Variants in SIPA1L1 observed in about 807,000 individuals in gnomAD.
SIPA1L1 encodes signal-induced proliferation-associated 1-like protein 1.
Under a neutral mutation model 162.7 loss-of-function variants are expected in SIPA1L1, and 26 were observed. That is an observed-to-expected ratio of 0.16 (90% CI 0.12 to 0.22). SIPA1L1 has a LOEUF of 0.22. SIPA1L1 is among the 10% of genes least tolerant of loss of function. The probability of loss-of-function intolerance (pLI) is 1.00; values close to 1 mark genes in which losing one functional copy is unlikely to be tolerated. For synonymous variants in SIPA1L1, 829 were observed against 837.4 expected (o/e 0.99, Z 0.17); for missense variants, 1,874 against 2,241.0 (o/e 0.84, Z 3.31).
Position 71,733,713 on chromosome 14 carries a change from C to G in SIPA1L1, c.4909C>G (p.Arg1637Gly), listed in dbSNP as rs768797102. The change falls in exon 21 of 24, where the codon CGC (arginine) becomes GGC (glycine). Residue 1637 changes from arginine to glycine, a missense_variant. Coordinates refer to ENST00000381232, the MANE Select transcript of SIPA1L1 (RefSeq NM_001386936.1). ...CTCCCTCACTGACATCCAGGAGACC[C>G]GCAGGCAGCCTATGCCCGACCCTGG... ...DSSLTDIQET[R>G]RQPMPDPGLM... is the part of the protein sequence containing the mutation. 3.1e-6 allele frequency: 5 copies of G among 1,613,870 alleles called. No individual in the cohort carries two copies. The highest frequency in any genetic ancestry group is 4.2e-6 in the Non-Finnish European group (5 of 1,180,014).
In SIPA1L1 at chr14:71,621,238, A is replaced by G. The variant is rs932870120; in HGVS notation, c.1629+2351A>G. Among the ~76,000 whole-genome samples the G allele has an allele frequency of 8.5e-5, 13 of 152,246 alleles. No individual in the cohort carries two copies. In the East Asian group the frequency reaches 2.5e-3, roughly 29 times the overall value. The stretch of plus-strand genomic sequence containing the variant: ...CCCAACAGGGTTCCTTTGAAATGTC[A>G]TTCCAGATCTTGCCATTGCTCAGTT... On this transcript the variant is annotated intron_variant, in intron 6 of 23. Transcript: ENST00000381232.
intron 2 of SIPA1L1, among the ~76,000 whole-genome samples, chr14:71,381,332 A>G (rs184143032): frequency 7.4e-4 from 112 of 152,276 alleles, no homozygotes; most frequent in East Asian, 6.9e-3. Context: ...GATTACAGGC[A>G]TGAGCCACCA....
intron 5 of SIPA1L1, among the ~76,000 whole-genome samples, chr14:71,601,408 T>C (rs1465951976): frequency 6.6e-6 from 1 of 152,210 alleles, no homozygotes; most frequent in Non-Finnish European, 1.5e-5. Flanking sequence ...GAGTTGCATA[T>C]TTTGAACCAT....
At chr14:71,707,583 C>T (rs1597129916) in intron 16 of SIPA1L1, among the ~76,000 whole-genome samples, 2 of 152,314 alleles carry the variant, frequency 1.3e-5, no homozygotes, top group Middle Eastern at 6.8e-3. Context: ...CCTGGCTTCT[C>T]TCGCTGATTA....
Position 71,672,593 on chromosome 14 carries a change from T to A in SIPA1L1, c.3075T>A (p.Ile1025=). 1 of 1,613,844 alleles carries A rather than the reference T, an allele frequency of 6.2e-7. No homozygotes were observed. The highest frequency in any genetic ancestry group is 8.5e-7 in the Non-Finnish European group (1 of 1,179,892). ...CTGTCACGGTGAAGGTTGTCATCAT[T>A]CCCCCGCATGATGACTGCACCCCGC... is the stretch of plus-strand genomic sequence containing the variant. ...RTSVTVKVVI[I]PPHDDCTPRR... is the part of the protein sequence containing the mutation. The change falls in exon 12 of 24, where the codon ATT becomes ATA. Residue 1025 remains isoleucine, a synonymous_variant. Transcript: ENST00000381232.
intron 8 of SIPA1L1, among the ~76,000 whole-genome samples, chr14:71,654,059 A>T (rs2042858478): frequency 6.6e-6 from 1 of 152,220 alleles, no homozygotes; most frequent in African/African-American, 2.4e-5. Context: ...GCTCTACTTC[A>T]TGCATTATCA....
chr14:71,418,352 C>T (rs2140491057), intron 2 of SIPA1L1, among the ~76,000 whole-genome samples: 1 of 152,092 alleles, frequency 6.6e-6, no homozygotes, highest in East Asian at 1.9e-4. Flanking sequence ...TCTTGACTGT[C>T]TCATATATTT....
chr14:71,478,959 GA>G (rs952906836), intron 2 of SIPA1L1, among the ~76,000 whole-genome samples: 91 of 144,626 alleles, frequency 6.3e-4, no homozygotes, highest in Admixed American at 4.0e-3. Flanking sequence ...GAATTAAAAA[GA>G]AAAAAAAAAG....
At chr14:71,328,463 A>C (rs1410672254) in intron 2 of SIPA1L1, among the ~76,000 whole-genome samples, 1 of 152,210 alleles carries the variant, frequency 6.6e-6, no homozygotes, top group Admixed American at 6.5e-5. Flanking sequence ...TGATTCTGTT[A>C]TGCTTCTCCC....
Position 71,723,886 on chromosome 14 carries a change from A to C in SIPA1L1, c.4448A>C (p.Lys1483Thr). Residue 1483 changes from lysine (K) to threonine (T), a missense_variant and splice_region_variant, in exon 18 of 24, where the codon AAG becomes ACG. Lys to Thr is a moderately conservative substitution (Grantham distance 78). This residue lies in a region of SIPA1L1 where 936 missense variants were observed against 1,051.9 expected (regional missense o/e 0.89). Coordinates refer to ENST00000381232, the MANE Select transcript of SIPA1L1 (RefSeq NM_001386936.1). ...INSVGFMDTR[K>T]RHQSDGNEIA... ...TCCGTGGGATTTATGGACACGAGAA[A>C]GTAAGAGTTACTTTCCTTCCCTTGC... 6.2e-7 allele frequency: 1 copy of C among 1,614,128 alleles called. No homozygotes were observed. Among genetic ancestry groups the C allele is most frequent in the Non-Finnish European group, 8.5e-7 (1 of 1,179,976 alleles).
At chr14:71,702,326 C>T (rs1277204078) in intron 14 of SIPA1L1, 55 bp from the exon 15 acceptor site, 1 of 1,597,506 alleles carries the variant, frequency 6.3e-7, no homozygotes, top group Non-Finnish European at 8.6e-7. Flanking sequence ...GGACTGCCTT[C>T]CCCTCATGGG....
intron 2 of SIPA1L1, among the ~76,000 whole-genome samples, chr14:71,488,464 A>G (rs1034503347): frequency 1.3e-4 from 20 of 152,188 alleles, no homozygotes; most frequent in African/African-American, 4.6e-4. Flanking sequence ...GCTAGTGCCA[A>G]CCTTATACCA....
At chr14:71,554,827 C>G (rs754809042) in intron 4 of SIPA1L1, among the ~76,000 whole-genome samples, 2 of 151,702 alleles carry the variant, frequency 1.3e-5, no homozygotes, top group African/African-American at 2.4e-5. Context: ...TGTGATGAAC[C>G]CTTTTTTTGC....
chr14:71,461,529 A>C (rs2046602412), intron 2 of SIPA1L1, among the ~76,000 whole-genome samples: 1 of 152,172 alleles, frequency 6.6e-6, no homozygotes, highest in African/African-American at 2.4e-5. Flanking sequence ...TGGGATACAA[A>C]TAACTTCACA....
rs1419714354 is a variant in SIPA1L1, at chr14:71,671,555, A to C, written c.2692A>C (p.Asn898His). 1.2e-6 allele frequency: 2 copies of C among 1,614,182 alleles called. No individual in the cohort carries two copies. The highest frequency in any genetic ancestry group is 8.5e-7 in the Non-Finnish European group (1 of 1,180,038). Reference sequence around the variant, plus strand: ...ACAGGAAACAAAGAGCGTGGTCTTCAATTGTTCCTGTAGAGATGTGATAGG... The same window carrying C: ...ACAGGAAACAAAGAGCGTGGTCTTCCATTGTTCCTGTAGAGATGTGATAGG... ...IEQETKSVVF[N>H]CSCRDVIGWT... The change falls in exon 11 of 24, where the codon AAT becomes CAT. Residue 898 changes from asparagine (N) to histidine (H), a missense_variant. Physicochemically the swap from Asn to His is moderately conservative, Grantham distance 68. Coordinates refer to ENST00000381232, the MANE Select transcript of SIPA1L1 (RefSeq NM_001386936.1).
In SIPA1L1 at chr14:71,740,329, A is replaced by G. The variant is rs1379211567; in HGVS notation, c.*1168A>G. 6.6e-6 allele frequency: 1 copy of G among 152,222 alleles called. No homozygotes were observed. Among genetic ancestry groups the G allele is most frequent in the Admixed American group, 6.5e-5 (1 of 15,278 alleles). 9.4% of individuals were successfully genotyped at this position (152,222 alleles called of 1,614,324 possible). A position where few individuals can be genotyped will look rare whatever the true frequency, so the allele number is the denominator to read the frequency against. On this transcript the variant is annotated 3_prime_UTR_variant, in exon 24 of 24. Transcript: ENST00000381232. ...ATGGCCATCCAAAGGATTCCGCTGC[A>G]GAAATTATTGATGTGCTATTTTTGC...
At chr14:71,471,278 G>A (rs137969045) in intron 2 of SIPA1L1, among the ~76,000 whole-genome samples, 1,665 of 152,330 alleles carry the variant, frequency 0.011, 15 homozygotes, top group East Asian at 0.021. Flanking sequence ...AGACCAGCCT[G>A]GCCAACATGG....
At chr14:71,609,307 C>T (rs143935520) in intron 5 of SIPA1L1, among the ~76,000 whole-genome samples, 210 of 152,220 alleles carry the variant, frequency 1.4e-3, no homozygotes, top group Non-Finnish European at 2.5e-3. Context: ...CTTGCTCTGT[C>T]ACCCAGGCTG....
At chr14:71,357,547 T>A (rs779791051) in intron 2 of SIPA1L1, among the ~76,000 whole-genome samples, 1 of 152,166 alleles carries the variant, frequency 6.6e-6, no homozygotes, top group African/African-American at 2.4e-5. Context: ...GTGGAGTTGT[T>A]GGTTGATAAC....
Sources: gnomAD v4.1 joint callset for allele counts (sites outside exome capture counted in the v4.1 genomes callset) on GRCh38, gnomAD v4.1.1 for gene constraint, gnomAD v4.1.1 regional missense constraint, MANE v1.5 for transcripts, NCBI Gene and HGNC (gene_info 2026-07-23, HGNC 2026-07-21) for gene names.